The following SV2B variants were observed in gnomAD, a reference collection of about 807,000 sequenced individuals.
SV2B encodes solute carrier family 22 member B2.
A neutral mutation model predicts 73.9 loss-of-function variants in SV2B; 41 were observed. The observed-to-expected ratio is 0.56, with a 90% CI of 0.43 to 0.72. The LOEUF (loss-of-function observed/expected upper bound fraction) is 0.72, where lower values mean the gene tolerates loss of function less well. SV2B is among the 30% of genes least tolerant of loss of function. SV2B has a pLI of 0.00. For missense variants in SV2B, 764 were observed against 857.8 expected (o/e 0.89, Z 1.37); for synonymous variants, 314 against 314.2 (o/e 1.00, Z 0.01).
rs767032449 is a variant in SV2B at position 91,302,538 on chromosome 15, T to C, written c.*9986T>C. Among the ~76,000 whole-genome samples the C allele has an allele frequency of 7.9e-5, 12 of 152,132 alleles. No homozygotes were observed. The highest frequency in any genetic ancestry group is 1.6e-4 in the Non-Finnish European group (11 of 68,012). On this transcript the variant is annotated 3_prime_UTR_variant, in exon 13 of 13. Coordinates refer to ENST00000394232, the MANE Select transcript of SV2B (RefSeq NM_001323032.3). ...AAATCTTGGAGGCCAGGTGCAGTGG[T>C]TCACACCTGTAATCCCAGCATTTTG... is the stretch of plus-strand genomic sequence containing the variant.
At chr15:91,254,640 A>C (rs993447483) in intron 4 of SV2B, among the ~76,000 whole-genome samples, 3 of 152,200 alleles carry the variant, frequency 2.0e-5, no homozygotes, top group African/African-American at 7.2e-5. Context: ...GTGATATGGG[A>C]CAAGTCAATC....
At chr15:91,182,068 C>T (rs772643617) in intron 1 of SV2B, among the ~76,000 whole-genome samples, 6 of 152,120 alleles carry the variant, frequency 3.9e-5, no homozygotes, top group Non-Finnish European at 7.4e-5. Flanking sequence ...TATAGAACCA[C>T]ATTATCACTG....
rs2049401845 is a variant in SV2B at position 91,300,335 on chromosome 15, C to T, written c.*7783C>T. 6.6e-6 allele frequency: 1 copy of T among 152,100 alleles called. No individual in the cohort carries two copies. Among genetic ancestry groups the T allele is most frequent in the South Asian group, 2.1e-4 (1 of 4,828 alleles). 9.4% of individuals were successfully genotyped at this position (152,100 alleles called of 1,614,324 possible). ...CAACTCTACCAGACCAAAAGGGTGT[C>T]TCTATTTTTTGTTGTTACTTCTCTG... On this transcript the variant is annotated 3_prime_UTR_variant, in exon 13 of 13. Coordinates refer to ENST00000394232, the MANE Select transcript of SV2B (RefSeq NM_001323032.3).
chr15:91,184,791 C>G (rs766922042), intron 1 of SV2B, among the ~76,000 whole-genome samples: 17 of 152,220 alleles, frequency 1.1e-4, no homozygotes, highest in Non-Finnish European at 2.2e-4. Flanking sequence ...TGACCTTCAT[C>G]TTTTCAAATG....
At chr15:91,244,170 G>A (rs572448564) in intron 2 of SV2B, among the ~76,000 whole-genome samples, 2 of 152,292 alleles carry the variant, frequency 1.3e-5, no homozygotes, top group African/African-American at 4.8e-5. Flanking sequence ...TTCCTCATCT[G>A]TTAAATGAAG....
chr15:91,202,736 G>A (rs1237840736), intron 1 of SV2B, among the ~76,000 whole-genome samples: 1 of 152,106 alleles, frequency 6.6e-6, no homozygotes, highest in Non-Finnish European at 1.5e-5. Flanking sequence ...AGAGAAGTGG[G>A]GCTACAGTCT....
intron 1 of SV2B, among the ~76,000 whole-genome samples, chr15:91,182,144 G>T (rs2044604311): frequency 6.6e-6 from 1 of 152,118 alleles, no homozygotes; most frequent in Non-Finnish European, 1.5e-5. Context: ...AATGCAAGTA[G>T]GAGAGACAAG....
At chr15:91,203,658 T>G (rs1372002391) in intron 1 of SV2B, among the ~76,000 whole-genome samples, 2 of 152,220 alleles carry the variant, frequency 1.3e-5, no homozygotes, top group Non-Finnish European at 2.9e-5. Context: ...CATCTGGGCA[T>G]TTTCTTTGAG....
intron 1 of SV2B, among the ~76,000 whole-genome samples, chr15:91,211,101 G>A (rs983130404): frequency 6.6e-6 from 1 of 152,184 alleles, no homozygotes; most frequent in Non-Finnish European, 1.5e-5. Context: ...TTCAGCAAGG[G>A]TCCTGTATGG....
chr15:91,180,424 A>C (rs1282224849), intron 1 of SV2B, among the ~76,000 whole-genome samples: 1 of 151,758 alleles, frequency 6.6e-6, no homozygotes, highest in Non-Finnish European at 1.5e-5. Flanking sequence ...GTATTTCCTG[A>C]ATCTGAATGT....
intron 1 of SV2B, among the ~76,000 whole-genome samples, chr15:91,104,977 C>G (rs1274962946): frequency 6.6e-6 from 1 of 152,196 alleles, no homozygotes; most frequent in African/African-American, 2.4e-5. Context: ...TCCTTTTCTT[C>G]CGGACTCTGC....
intron 9 of SV2B, among the ~76,000 whole-genome samples, chr15:91,279,051 C>T (rs1011059363): frequency 6.6e-6 from 1 of 152,202 alleles, no homozygotes; most frequent in African/African-American, 2.4e-5. Context: ...TCTGCACATG[C>T]TTTTCCCTCT....
At position 91,229,928 on chromosome 15, in the gene SV2B, A is replaced by G. The variant is rs1412357388; in HGVS notation, c.451+3214A>G. Reference sequence around the variant, plus strand: ...TGCTAACTCAGTTCTGTCTTTCCCCATCCTCTCTCTGTTTTAAAAAGAAAC... The same window carrying G: ...TGCTAACTCAGTTCTGTCTTTCCCCGTCCTCTCTCTGTTTTAAAAAGAAAC... On this transcript the variant is annotated intron_variant, in intron 2 of 12. Coordinates refer to ENST00000394232, the MANE Select transcript of SV2B (RefSeq NM_001323032.3). This position sits in a 1 kb window ranked among gnomAD's most constrained non-coding sequence, Gnocchi z 4.3. Among the ~76,000 whole-genome samples the G allele has an allele frequency of 6.6e-6, 1 of 152,140 alleles. No individual in the cohort carries two copies. The highest frequency in any genetic ancestry group is 1.9e-4 in the East Asian group (1 of 5,196).
intron 1 of SV2B, among the ~76,000 whole-genome samples, chr15:91,198,029 C>A (rs567810923): frequency 6.6e-6 from 1 of 152,036 alleles, no homozygotes; most frequent in Non-Finnish European, 1.5e-5. Flanking sequence ...AGCGAGAGTC[C>A]GTCTCAAAAC....
chr15:91,274,148 T>C (rs1247479899), intron 9 of SV2B, among the ~76,000 whole-genome samples: 1 of 152,230 alleles, frequency 6.6e-6, no homozygotes, highest in East Asian at 1.9e-4. Flanking sequence ...TAAACTTTTC[T>C]TGCTATTACA....
In SV2B at chr15:91,241,797, C is replaced by T. The variant is rs1596663979; in HGVS notation, c.452-10022C>T. On this transcript the variant is annotated intron_variant, in intron 2 of 12. Transcript: ENST00000394232. This position sits in a 1 kb window ranked among gnomAD's most constrained non-coding sequence, Gnocchi z 4.8. ...TTCTCATCATTTTGTAACTCCTCCT[C>T]ATCAATATTTATCTCTCTATGGAAT... 1.3e-5 allele frequency among the ~76,000 whole-genome samples: 2 copies of T among 152,264 alleles called. No individual in the cohort carries two copies. Among genetic ancestry groups the T allele is most frequent in the South Asian group, 2.1e-4 (1 of 4,826 alleles).
chr15:91,271,780 AC>A (rs2048325912), intron 9 of SV2B, among the ~76,000 whole-genome samples: 1 of 152,042 alleles, frequency 6.6e-6, no homozygotes, highest in Non-Finnish European at 1.5e-5. Flanking sequence ...GAGCTGGAAA[AC>A]AGCTCATCTT....
At chr15:91,259,523 G>A (rs891051860) in intron 5 of SV2B, among the ~76,000 whole-genome samples, 1 of 152,174 alleles carries the variant, frequency 6.6e-6, no homozygotes, top group Non-Finnish European at 1.5e-5. Flanking sequence ...GAGTGTCCTA[G>A]GGCTGCTGTA....
chr15:91,291,101 A>C (rs1416313720), intron 12 of SV2B, among the ~76,000 whole-genome samples: 1 of 144,768 alleles, frequency 6.9e-6, no homozygotes, highest in Admixed American at 6.8e-5. Context: ...ATACATTATT[A>C]TATATAAATA....
Sources: gnomAD v4.1 joint callset for allele counts (sites outside exome capture counted in the v4.1 genomes callset) on GRCh38, gnomAD v4.1.1 for gene constraint, Gnocchi (gnomAD v3.1) non-coding constraint, MANE v1.5 for transcripts, NCBI Gene and HGNC (gene_info 2026-07-23, HGNC 2026-07-21) for gene names.